PGCKA1: variants seen among roughly 807,000 people sequenced by gnomAD.
PGCKA1 encodes PDCD10 and GCKIII kinases associated 1, also known as PDCD10 and GCKIII kinases-associated protein 1.
At chr4:37,564,503 T>TTTA in the PGCKA1 span, among the ~76,000 whole-genome samples, 4 of 46,286 alleles carry the variant, frequency 8.6e-5, no homozygotes, top group Non-Finnish European at 2.5e-4. Flanking sequence ...TGTCTGACTT[T>TTTA]TTTATTTATT....
At chr4:37,521,568 T>G in the PGCKA1 span, among the ~76,000 whole-genome samples, 1 of 152,226 alleles carries the variant, frequency 6.6e-6, no homozygotes, top group Non-Finnish European at 1.5e-5. Context: ...TTATTTCTAT[T>G]TTTTTAAATG....
At chr4:37,544,228 CATT>C in the PGCKA1 span, among the ~76,000 whole-genome samples, 3 of 152,122 alleles carry the variant, frequency 2.0e-5, no homozygotes, top group Admixed American at 6.5e-5. Context: ...CTTTGTATAT[CATT>C]GAGTTTTTTT....
the PGCKA1 span, among the ~76,000 whole-genome samples, chr4:37,512,745 C>T: frequency 2.0e-5 from 3 of 152,150 alleles, no homozygotes; most frequent in Middle Eastern, 3.4e-3. Flanking sequence ...TGAGCCACCG[C>T]GTCTGGCCAA....
At chr4:37,482,911 T>C in the PGCKA1 span, among the ~76,000 whole-genome samples, 501 of 152,240 alleles carry the variant, frequency 3.3e-3, 1 homozygote, top group African/African-American at 0.012. Context: ...TGAGGGACTA[T>C]TGGAAAGGCA....
chr4:37,526,535 A>G, the PGCKA1 span, among the ~76,000 whole-genome samples: 1 of 152,252 alleles, frequency 6.6e-6, no homozygotes, highest in East Asian at 1.9e-4. Flanking sequence ...TGGGATAAGC[A>G]TAAAGTATGA....
At chr4:37,483,856 G>A in the PGCKA1 span, among the ~76,000 whole-genome samples, 48 of 152,304 alleles carry the variant, frequency 3.2e-4, no homozygotes, top group African/African-American at 1.1e-3. Flanking sequence ...TGGGAGGTGA[G>A]CAGTTTGTGA....
the PGCKA1 span, among the ~76,000 whole-genome samples, chr4:37,539,853 A>G: frequency 6.6e-6 from 1 of 152,234 alleles, no homozygotes; most frequent in East Asian, 1.9e-4. Context: ...CGTGATGCTA[A>G]GTGAAAAAAA....
the PGCKA1 span, among the ~76,000 whole-genome samples, chr4:37,497,330 G>A: frequency 6.6e-6 from 1 of 151,996 alleles, no homozygotes; most frequent in East Asian, 1.9e-4. Context: ...TTATCCACTC[G>A]TTGATTGATG....
chr4:37,563,753 T>C, the PGCKA1 span, among the ~76,000 whole-genome samples: 18 of 152,202 alleles, frequency 1.2e-4, no homozygotes, highest in Non-Finnish European at 2.2e-4. Flanking sequence ...CCTCTCCACA[T>C]GGCCACCTCT....
chr4:37,477,810 G>C, the PGCKA1 span, among the ~76,000 whole-genome samples: 5 of 152,158 alleles, frequency 3.3e-5, no homozygotes, highest in East Asian at 9.7e-4. Flanking sequence ...TTAATAGTTA[G>C]GTTTTTTTCT....
the PGCKA1 span, among the ~76,000 whole-genome samples, chr4:37,514,149 G>C: frequency 1.3e-5 from 2 of 152,228 alleles, no homozygotes; most frequent in South Asian, 4.1e-4. Flanking sequence ...TGCTAGCACT[G>C]ACCAGCTAAT....
the PGCKA1 span, among the ~76,000 whole-genome samples, chr4:37,485,934 G>A: frequency 6.6e-6 from 1 of 152,132 alleles, no homozygotes; most frequent in Admixed American, 6.5e-5. Context: ...GTCTAGCTCT[G>A]GCAGGTTCCC....
At chr4:37,485,327 G>C in the PGCKA1 span, among the ~76,000 whole-genome samples, 1 of 152,144 alleles carries the variant, frequency 6.6e-6, no homozygotes, top group South Asian at 2.1e-4. Context: ...GAAGTCATTA[G>C]GTCATGAAAG....
the PGCKA1 span, among the ~76,000 whole-genome samples, chr4:37,454,613 T>C: frequency 6.6e-6 from 1 of 152,072 alleles, no homozygotes; most frequent in African/African-American, 2.4e-5. Context: ...CCTCACGTAG[T>C]GAAAAGAGGG....
chr4:37,533,690 G>T, the PGCKA1 span, among the ~76,000 whole-genome samples: 3 of 152,148 alleles, frequency 2.0e-5, no homozygotes, highest in African/African-American at 7.2e-5. Context: ...CTGGAAAATT[G>T]ATTTCCTTTT....
the PGCKA1 span, among the ~76,000 whole-genome samples, chr4:37,512,457 T>C: frequency 1.4e-5 from 2 of 147,898 alleles, no homozygotes; most frequent in African/African-American, 5.0e-5. Flanking sequence ...TTGATTTCTT[T>C]TTTTTTTTTT....
the PGCKA1 span, among the ~76,000 whole-genome samples, chr4:37,543,937 C>T: frequency 1.3e-3 from 201 of 152,290 alleles, no homozygotes; most frequent in Non-Finnish European, 2.0e-3. Context: ...CTCCCATCAC[C>T]ATCATCCTTG....
At chr4:37,489,512 A>G in the PGCKA1 span, among the ~76,000 whole-genome samples, 1 of 152,158 alleles carries the variant, frequency 6.6e-6, no homozygotes, top group African/African-American at 2.4e-5. Context: ...CAATAATATA[A>G]CATTCCACTT....
the PGCKA1 span, among the ~76,000 whole-genome samples, chr4:37,480,983 A>G: frequency 6.6e-6 from 1 of 152,222 alleles, no homozygotes; most frequent in African/African-American, 2.4e-5. Context: ...TCATGCTAAT[A>G]ATGTGCACGT....
Sources: allele counts gnomAD v4.1 joint callset (sites outside exome capture counted in the v4.1 genomes callset), GRCh38; gene constraint gnomAD v4.1.1; transcripts MANE v1.5; gene names NCBI Gene and HGNC (gene_info 2026-07-23, HGNC 2026-07-21).